Variants in FDX2 observed in about 807,000 individuals in gnomAD.
The protein encoded by FDX2 is ferredoxin 2.
A neutral mutation model predicts 18.5 loss-of-function variants in FDX2; 13 were observed. The ratio of observed to expected loss-of-function variants is 0.70; its 90% CI spans 0.46 to 1.12. FDX2 has a LOEUF of 1.12. Ranked by LOEUF, FDX2 falls within the 50% of genes most tolerant of loss-of-function variation. FDX2 has a pLI of 0.00. For synonymous variants in FDX2, 132 were observed against 106.2 expected, an observed-to-expected ratio of 1.24 and a Z score of -1.49; for missense variants, 238 against 250.4, an observed-to-expected ratio of 0.95 and a Z score of 0.34.
chr19:10,315,656 G>C, intron 2 of FDX2, 49 bp downstream of exon 2: 2 of 1,541,268 alleles, frequency 1.3e-6, no homozygotes, highest in Middle Eastern at 2.0e-4. Flanking sequence ...ATGGGGACCA[G>C]AGGAATTCCG....
intron 3 of FDX2, among the ~76,000 whole-genome samples, chr19:10,312,160 G>C (rs185280935): frequency 3.4e-5 from 5 of 145,086 alleles, no homozygotes; most frequent in Non-Finnish European, 7.5e-5. Flanking sequence ...GTGAGCCACC[G>C]CACCTGGCCA....
chr19:10,310,470 G>T lies in FDX2; in HGVS notation c.*16C>A. On this transcript the variant is annotated 3_prime_UTR_variant, in exon 5 of 5. Transcript: ENST00000393708. ...CCCTGGGGCCATGGCAATGTGGAATGGTCCAGGTGTTCATGTCAGTGGGGC... is the reference window on the plus strand; with the variant it reads ...CCCTGGGGCCATGGCAATGTGGAATTGTCCAGGTGTTCATGTCAGTGGGGC... 1.9e-6 allele frequency: 3 copies of T among 1,614,124 alleles called. No homozygotes were observed. In the South Asian group the frequency reaches 3.3e-5, roughly 18 times the overall value.
rs150622748 is a variant in FDX2, at chr19:10,312,865, A to G, written c.317-1925T>C. 3.7e-3 allele frequency among the ~76,000 whole-genome samples: 566 copies of G among 151,950 alleles called. 3 individuals carry two copies. The highest frequency in any genetic ancestry group is 5.8e-3 in the Non-Finnish European group (396 of 67,930). On this transcript the variant is annotated intron_variant, in intron 3 of 4. Coordinates refer to ENST00000393708, the MANE Select transcript of FDX2 (RefSeq NM_001031734.4). ...CCACTTACCTCTACTAGCCCGGCAC[A>G]GTGGCTCATGTCTGTAATCCCAGCA...
intron 3 of FDX2, 190 bp downstream of exon 3, chr19:10,315,196 A>C: frequency 1.8e-6 from 1 of 556,072 alleles, no homozygotes; most frequent in Non-Finnish European, 3.2e-6. Context: ...CAGGAGTCCT[A>C]GTGATCTCTA....
At chr19:10,314,720 T>C (rs1241381129) in intron 3 of FDX2, among the ~76,000 whole-genome samples, 1 of 152,212 alleles carries the variant, frequency 6.6e-6, no homozygotes, top group Non-Finnish European at 1.5e-5. Context: ...AGAGCCAGAA[T>C]GTTTGCTGGG....
chr19:10,311,795 G>C (rs2145050137), intron 3 of FDX2, among the ~76,000 whole-genome samples: 1 of 148,236 alleles, frequency 6.7e-6, no homozygotes, highest in Non-Finnish European at 1.5e-5. Context: ...CAACCTCCCG[G>C]CTCAAGCGAT....
chr19:10,314,396 C>G (rs904228313), intron 3 of FDX2, among the ~76,000 whole-genome samples: 2 of 152,120 alleles, frequency 1.3e-5, no homozygotes, highest in Non-Finnish European at 2.9e-5. Context: ...CACTGGGGGA[C>G]AGATGACAAA....
At chr19:10,311,260 T>G (rs561733494) in intron 3 of FDX2, among the ~76,000 whole-genome samples, 1 of 152,238 alleles carries the variant, frequency 6.6e-6, no homozygotes, top group African/African-American at 2.4e-5. Flanking sequence ...CCAGGCAGGC[T>G]CCCCGCAGTC....
At chr19:10,311,704 T>A (rs1034873999) in intron 3 of FDX2, among the ~76,000 whole-genome samples, 9 of 75,506 alleles carry the variant, frequency 1.2e-4, no homozygotes, top group African/African-American at 3.1e-4. Context: ...CCGGCCAGGA[T>A]TTTTTTTTTT....
chr19:10,310,663 G>T (rs1872427030), intron 4 of FDX2, 21 bp from the exon 5 acceptor site: 1 of 1,589,220 alleles, frequency 6.3e-7, no homozygotes, highest in Non-Finnish European at 8.6e-7. Flanking sequence ...GACACGGGCA[G>T]TGTTAGCCGA....
At chr19:10,312,196 T>G (rs2040331849) in intron 3 of FDX2, among the ~76,000 whole-genome samples, 1 of 125,304 alleles carries the variant, frequency 8.0e-6, no homozygotes, top group East Asian at 2.4e-4. Flanking sequence ...TTTTTTTTTT[T>G]GTAGAGACGA....
chr19:10,311,383 A>G (rs1229920774), intron 3 of FDX2, among the ~76,000 whole-genome samples: 2 of 150,634 alleles, frequency 1.3e-5, no homozygotes, highest in African/African-American at 2.4e-5. Context: ...GGGGGAAGGA[A>G]TCAGGCATTA....
chr19:10,315,317 GGGTTTTTTT>G, intron 3 of FDX2, 60 bp downstream of exon 3: 3 of 212,902 alleles, frequency 1.4e-5, no homozygotes, highest in Non-Finnish European at 1.5e-5. Flanking sequence ...CCTAATTTGT[GGGTTTTTTT>G]TTTTTTTTTT....
rs762414750 is a variant in FDX2, at chr19:10,315,871, G to T, written c.135C>A (p.Thr45=). 6.2e-7 allele frequency: 1 copy of T among 1,601,226 alleles called. No homozygotes were observed. The highest frequency in any genetic ancestry group is 2.2e-5 in the East Asian group (1 of 44,736). Residue 45 remains threonine, a synonymous_variant, in exon 1 of 5, where the codon ACC becomes ACA. Transcript: ENST00000393708. ...AGGTACCTGTCGCTTGAAACTTTCT[G>T]GTTGTCCCCAGCGCCACCCCCTCCC...
In FDX2 at chr19:10,310,457, G is replaced by A. The variant is rs1210315841; in HGVS notation, c.*29C>T. 6.2e-7 allele frequency: 1 copy of A among 1,613,920 alleles called. No homozygotes were observed. The highest frequency in any genetic ancestry group is 8.5e-7 in the Non-Finnish European group (1 of 1,179,840). On this transcript the variant is annotated 3_prime_UTR_variant, in exon 5 of 5. Coordinates refer to ENST00000393708, the MANE Select transcript of FDX2 (RefSeq NM_001031734.4). ...CCCTCAATCTGGGCCCTGGGGCCAT[G>A]GCAATGTGGAATGGTCCAGGTGTTC...
At position 10,315,856 on chromosome 19, in the gene FDX2, C is replaced by T. The variant is rs377119342; in HGVS notation, c.150G>A (p.Ala50=). The T allele has an allele frequency of 8.6e-5, 138 of 1,599,412 alleles. No homozygotes were observed. Among genetic ancestry groups the T allele is most frequent in the Non-Finnish European group, 1.1e-4 (132 of 1,174,986 alleles). The change falls in exon 1 of 5, where the codon GCG becomes GCA. Residue 50 remains alanine (A), a synonymous_variant. Transcript: ENST00000393708. ...CGCCCCGGGCGCCCCAGGTACCTGT[C>T]GCTTGAAACTTTCTGGTTGTCCCCA...
At chr19:10,313,592 T>C (rs1306401532) in intron 3 of FDX2, among the ~76,000 whole-genome samples, 1 of 144,754 alleles carries the variant, frequency 6.9e-6, no homozygotes, top group Non-Finnish European at 1.5e-5. Flanking sequence ...TAACAGTCTC[T>C]ACTACTCAAG....
Position 10,310,543 on chromosome 19 carries a change from G to A in FDX2, c.504C>T (p.Thr168=), listed in dbSNP as rs551593802. The A allele has an allele frequency of 2.9e-5, 47 of 1,614,166 alleles. No homozygotes were observed. The highest frequency in any genetic ancestry group is 3.8e-5 in the Non-Finnish European group (45 of 1,180,026). ...AGAAGTTCCTGGTGATCTTGGGCAG[G>A]GTGAATTCCGCTCCTTCCAGCTCCG... The change falls in exon 5 of 5, where the codon ACC becomes ACT. Residue 168 remains threonine (T), a synonymous_variant. Transcript: ENST00000393708.
At position 10,310,897 on chromosome 19, in the gene FDX2, A is replaced by G. The variant is rs2145048251; in HGVS notation, c.360T>C (p.Tyr120=). 1 of 1,613,846 alleles carries G rather than the reference A, an allele frequency of 6.2e-7. No individual in the cohort carries two copies. The highest frequency in any genetic ancestry group is 1.1e-5 in the South Asian group (1 of 91,060). ...GGAGATCCAGGTGGTCTTCACTCAC[A>G]TACACATGGCAGGTGGAGCAGGCCA... Residue 120 remains tyrosine (Y), a synonymous_variant, in exon 4 of 5, where the codon TAT becomes TAC. Transcript: ENST00000393708.
Sources: allele counts gnomAD v4.1 joint callset (sites outside exome capture counted in the v4.1 genomes callset), GRCh38; gene constraint gnomAD v4.1.1; transcripts MANE v1.5; gene names NCBI Gene and HGNC (gene_info 2026-07-23, HGNC 2026-07-21).